Variants in HLCS observed in about 807,000 individuals in gnomAD.
The protein encoded by HLCS is biotin--protein ligase.
In HLCS, 53 loss-of-function variants were observed where a neutral mutation model predicts 75.0. That is an observed-to-expected ratio of 0.71 (90% CI 0.57 to 0.89). HLCS has a LOEUF of 0.89. HLCS is among the 40% of genes least tolerant of loss of function. HLCS has a pLI of 0.00. For synonymous variants in HLCS, 431 were observed against 428.6 expected (o/e 1.01, Z -0.07); for missense variants, 966 against 1,074.0 (o/e 0.90, Z 1.41).
intron 5 of HLCS, among the ~76,000 whole-genome samples, chr21:36,909,174 G>A (rs986986498): frequency 2.0e-5 from 3 of 152,104 alleles, no homozygotes; most frequent in African/African-American, 7.2e-5. Context: ...TCCAGCCTGG[G>A]CAACAGAGCG....
intron 6 of HLCS, among the ~76,000 whole-genome samples, chr21:36,863,781 C>G (rs2063463125): frequency 6.6e-6 from 1 of 152,124 alleles, no homozygotes; most frequent in African/African-American, 2.4e-5. Context: ...TGCTCAAGAC[C>G]CAACAATTCA....
intron 2 of HLCS, chr21:36,947,815 T>C (rs1268051158): frequency 6.1e-6 from 6 of 985,474 alleles, no homozygotes; most frequent in Non-Finnish European, 7.2e-6. Context: ...GCAGCAGCTC[T>C]GCAGTGAGTG....
chr21:36,807,969 T>A (rs1323813991), intron 6 of HLCS, among the ~76,000 whole-genome samples: 1 of 152,026 alleles, frequency 6.6e-6, no homozygotes, highest in Non-Finnish European at 1.5e-5. Context: ...AATGAAACAC[T>A]ACCGTGCCAC....
chr21:36,771,996 C>CAAAAA, intron 6 of HLCS, among the ~76,000 whole-genome samples: 1 of 107,398 alleles, frequency 9.3e-6, no homozygotes, highest in East Asian at 2.7e-4. Context: ...GACTCCAACT[C>CAAAAA]AAAAAAAAAA....
chr21:36,842,442 T>G lies in HLCS; in HGVS notation c.1892+54418A>C, dbSNP rs1197097909. ...GAGGCATATTATACTTCAATAAAAC[T>G]TCTAAGAAACTCTCTGGCCAGGCAC... On this transcript the variant is annotated intron_variant, in intron 6 of 10. Transcript: ENST00000674895. This position sits in a 1 kb window ranked among gnomAD's most constrained non-coding sequence, Gnocchi z 4.2. Among the ~76,000 whole-genome samples the G allele has an allele frequency of 6.6e-6, 1 of 152,108 alleles. No individual in the cohort carries two copies. The highest frequency in any genetic ancestry group is 1.5e-5 in the Non-Finnish European group (1 of 68,018).
At chr21:36,952,030 T>C (rs2067691905) in intron 2 of HLCS, among the ~76,000 whole-genome samples, 1 of 152,162 alleles carries the variant, frequency 6.6e-6, no homozygotes, top group Non-Finnish European at 1.5e-5. Flanking sequence ...ATATCCAAAA[T>C]TCAAAAAGAT....
intron 6 of HLCS, among the ~76,000 whole-genome samples, chr21:36,771,924 AG>A (rs1257304612): frequency 2.6e-5 from 4 of 151,310 alleles, no homozygotes; most frequent in Admixed American, 2.6e-4. Context: ...ACTTGAACCC[AG>A]GGGGCGGAGG....
At chr21:36,799,654 T>C (rs988865869) in intron 6 of HLCS, among the ~76,000 whole-genome samples, 1 of 152,160 alleles carries the variant, frequency 6.6e-6, no homozygotes, top group Non-Finnish European at 1.5e-5. Context: ...ACACCCCACC[T>C]GCATGCTCAC....
At chr21:36,908,146 A>T (rs547925092) in intron 5 of HLCS, among the ~76,000 whole-genome samples, 9 of 152,042 alleles carry the variant, frequency 5.9e-5, no homozygotes, top group African/African-American at 1.7e-4. Context: ...GCATTCTGGG[A>T]GGCTGAGGCA....
chr21:36,857,205 A>C (rs2063225527), intron 6 of HLCS, among the ~76,000 whole-genome samples: 1 of 152,240 alleles, frequency 6.6e-6, no homozygotes, highest in African/African-American at 2.4e-5. Context: ...TGCCGTTTCA[A>C]AACCCAAGCC....
chr21:36,864,580 A>G (rs2063493749), intron 6 of HLCS, among the ~76,000 whole-genome samples: 2 of 152,204 alleles, frequency 1.3e-5, no homozygotes, highest in Non-Finnish European at 2.9e-5. Context: ...TCCTGTAACC[A>G]TTAAGCTCTA....
At chr21:36,898,226 A>G (rs1327062637) in intron 5 of HLCS, among the ~76,000 whole-genome samples, 3 of 151,726 alleles carry the variant, frequency 2.0e-5, no homozygotes, top group Non-Finnish European at 4.4e-5. Flanking sequence ...CGGGCAGATC[A>G]CCTCAGGTCA....
At chr21:36,919,401 C>T (rs1160408621) in intron 5 of HLCS, among the ~76,000 whole-genome samples, 1 of 152,168 alleles carries the variant, frequency 6.6e-6, no homozygotes, top group East Asian at 1.9e-4. Flanking sequence ...TCCAATTTAA[C>T]GTTTTTGAGC....
Position 36,966,425 on chromosome 21 carries a change from G to GGCCCCCCCCCCC in HLCS, c.195+18_195+19insGGGGGGGGGGGC. The GGCCCCCCCCCCC allele has an allele frequency of 6.1e-5, 12 of 195,438 alleles. No homozygotes were observed. Among genetic ancestry groups the GGCCCCCCCCCCC allele is most frequent in the South Asian group, 3.9e-4 (2 of 5,108 alleles). 12.1% of individuals were successfully genotyped at this position (195,438 alleles called of 1,614,324 possible). A position where few individuals can be genotyped will look rare whatever the true frequency, so the allele number is the denominator to read the frequency against. ...CCGGCTCGCGGGGCCCGGGTCGCCC[G>GGCCCCCCCCCCC]CCCGCCCGACCCGCCCACCTGGCTG... is the stretch of plus-strand genomic sequence containing the variant. On this transcript the variant is annotated intron_variant, in intron 1 of 10. Coordinates refer to ENST00000674895, the MANE Select transcript of HLCS (RefSeq NM_001352514.2).
chr21:36,944,532 A>G (rs531307767), intron 2 of HLCS, among the ~76,000 whole-genome samples: 4 of 152,214 alleles, frequency 2.6e-5, no homozygotes, highest in Non-Finnish European at 5.9e-5. Context: ...TCAATTAAAA[A>G]TTAATATACA....
At chr21:36,923,894 C>T (rs59000754) in intron 5 of HLCS, among the ~76,000 whole-genome samples, 7,312 of 152,056 alleles carry the variant, frequency 0.048, 401 homozygotes, top group African/African-American at 0.14. Context: ...AAGAAAGAAA[C>T]GAGAGAAAGA....
intron 6 of HLCS, among the ~76,000 whole-genome samples, chr21:36,848,284 T>G (rs2062867228): frequency 6.6e-6 from 1 of 151,870 alleles, no homozygotes; most frequent in African/African-American, 2.4e-5. Context: ...TTTTTTTTTT[T>G]TTTGAAACAG....
intron 6 of HLCS, among the ~76,000 whole-genome samples, chr21:36,806,947 CCCA>C (rs2061379175): frequency 6.6e-6 from 1 of 152,206 alleles, no homozygotes; most frequent in Admixed American, 6.5e-5. Flanking sequence ...TTTGTCCCTT[CCCA>C]ACCTCATCTG....
chr21:36,906,794 A>C (rs1447589268), intron 5 of HLCS, among the ~76,000 whole-genome samples: 4 of 152,098 alleles, frequency 2.6e-5, no homozygotes, highest in Non-Finnish European at 5.9e-5. Context: ...TGCTTTCAAG[A>C]CTTACTATAA....
Sources: allele counts gnomAD v4.1 joint callset (sites outside exome capture counted in the v4.1 genomes callset), GRCh38; gene constraint gnomAD v4.1.1; non-coding constraint Gnocchi (gnomAD v3.1); transcripts MANE v1.5; gene names NCBI Gene and HGNC (gene_info 2026-07-23, HGNC 2026-07-21).